The following MALRD1 variants were observed in gnomAD, a reference collection of about 807,000 sequenced individuals.
The protein encoded by MALRD1 is MAM and LDL-receptor class A domain-containing protein 1.
A neutral mutation model predicts 242.1 loss-of-function variants in MALRD1; 247 were observed. The ratio of observed to expected loss-of-function variants is 1.02; its 90% CI spans 0.92 to 1.13. The LOEUF is 1.13. Among genes scored for constraint, MALRD1 ranks in the 50% most tolerant of loss-of-function variants. The probability of loss-of-function intolerance (pLI) is 0.00; values close to 1 mark genes in which losing one functional copy is unlikely to be tolerated. For missense variants in MALRD1, 2,989 were observed against 2,533.1 expected, an observed-to-expected ratio of 1.18 and a Z score of -3.86; for synonymous variants, 995 against 866.6, an observed-to-expected ratio of 1.15 and a Z score of -2.60.
At chr10:19,109,499 C>G (rs1836600058) in intron 5 of MALRD1, among the ~76,000 whole-genome samples, 1 of 152,190 alleles carries the variant, frequency 6.6e-6, no homozygotes, top group Non-Finnish European at 1.5e-5. Flanking sequence ...ATAAGCTTGG[C>G]CACCGGGGTT....
intron 14 of MALRD1, among the ~76,000 whole-genome samples, chr10:19,183,115 G>GT (rs71387051): frequency 0.066 from 9,079 of 137,574 alleles, 372 homozygotes; most frequent in East Asian, 0.2. Flanking sequence ...TATTTTGAGG[G>GT]TTTTTTTTTT....
chr10:19,428,256 G>T (rs1035535181), intron 28 of MALRD1, among the ~76,000 whole-genome samples: 1 of 151,478 alleles, frequency 6.6e-6, no homozygotes, highest in Non-Finnish European at 1.5e-5. Flanking sequence ...TTCATCAAAG[G>T]TTTTCCTTCT....
chr10:19,144,771 GCTTCATGTT>G (rs1458380029), intron 10 of MALRD1, among the ~76,000 whole-genome samples: 1 of 152,154 alleles, frequency 6.6e-6, no homozygotes, highest in Non-Finnish European at 1.5e-5. Flanking sequence ...CAAGCAAGTT[GCTTCATGTT>G]CTGAGTTCCA....
At chr10:19,240,669 C>T (rs575046233) in intron 18 of MALRD1, among the ~76,000 whole-genome samples, 1 of 152,034 alleles carries the variant, frequency 6.6e-6, no homozygotes, top group Admixed American at 6.6e-5. Context: ...AAGCATTTAA[C>T]TATTCACCAT....
At chr10:19,491,683 C>T (rs984217380) in intron 30 of MALRD1, 38 bp downstream of exon 30, 2 of 1,534,746 alleles carry the variant, frequency 1.3e-6, no homozygotes, top group East Asian at 4.9e-5. Flanking sequence ...GCCAGTTCAG[C>T]AGATATTTTC....
intron 2 of MALRD1, among the ~76,000 whole-genome samples, chr10:19,082,496 T>C (rs1050574227): frequency 6.6e-6 from 1 of 151,972 alleles, no homozygotes; most frequent in African/African-American, 2.4e-5. Context: ...TGTAGTTCTT[T>C]ATATATGGTT....
chr10:19,719,983 A>T (rs1344094848), intron 38 of MALRD1, among the ~76,000 whole-genome samples: 1 of 152,140 alleles, frequency 6.6e-6, no homozygotes, highest in Admixed American at 6.6e-5. Context: ...ACACTCAATG[A>T]GAATAGGTTG....
intron 18 of MALRD1, among the ~76,000 whole-genome samples, chr10:19,241,146 C>G (rs1469736070): frequency 6.6e-6 from 1 of 151,984 alleles, no homozygotes; most frequent in Non-Finnish European, 1.5e-5. Context: ...GGTAGTTATT[C>G]TTTAACTGTT....
At chr10:19,235,584 G>GCCC (rs1838280417) in intron 18 of MALRD1, among the ~76,000 whole-genome samples, 3 of 73,686 alleles carry the variant, frequency 4.1e-5, no homozygotes, top group Admixed American at 3.9e-4. Context: ...CCCACAGAGA[G>GCCC]AGAGAGAGAG....
Position 19,571,597 on chromosome 10 carries a change from A to T in MALRD1, c.5680+3894A>T, listed in dbSNP as rs188733435. On this transcript the variant is annotated intron_variant, in intron 33 of 39. Transcript: ENST00000454679. ...TCTACAGAATATGTTGCAGTTTTCC[A>T]ATGAAATATAGTTGTTAAAAAATGC... 9.8e-5 allele frequency among the ~76,000 whole-genome samples: 15 copies of T among 152,294 alleles called. No individual in the cohort carries two copies. In the East Asian group the frequency reaches 2.9e-3, roughly 29 times the overall value.
chr10:19,309,411 T>C (rs1349436631), intron 21 of MALRD1, among the ~76,000 whole-genome samples: 1 of 151,586 alleles, frequency 6.6e-6, no homozygotes, highest in Non-Finnish European at 1.5e-5. Context: ...ACCATATTTA[T>C]ACCTCTGTAA....
rs568829670 is a variant in MALRD1, at chr10:19,683,251, G to A, written c.6138-9031G>A. On this transcript the variant is annotated intron_variant, in intron 36 of 39. Transcript: ENST00000454679. Reference sequence around the variant, plus strand: ...TTAACCAAATGCTCACAATGGGATCGGAGCCTGCCTTTGTTAGATCCAGCT... The same window carrying A: ...TTAACCAAATGCTCACAATGGGATCAGAGCCTGCCTTTGTTAGATCCAGCT... Among the ~76,000 whole-genome samples, 203 of 152,230 alleles carry A rather than the reference G, an allele frequency of 1.3e-3. 1 individual carries two copies. Among genetic ancestry groups the A allele is most frequent in the Non-Finnish European group, 2.4e-3 (161 of 68,020 alleles).
In MALRD1 at chr10:19,184,650, G is replaced by C. The variant is rs897291949; in HGVS notation, c.1951+9322G>C. 3.9e-5 allele frequency among the ~76,000 whole-genome samples: 6 copies of C among 152,266 alleles called. No individual in the cohort carries two copies. The East Asian group carries it at 1.2e-3, about 29-fold the overall frequency. On this transcript the variant is annotated intron_variant, in intron 14 of 39. Transcript: ENST00000454679. The stretch of plus-strand genomic sequence containing the variant: ...TGCAACCTCTGCTTCCCGGATTCAA[G>C]TGATTCTCCTGCCTCAGCCTCCCTA...
chr10:19,486,016 A>G (rs536446214), intron 29 of MALRD1, among the ~76,000 whole-genome samples: 331 of 152,286 alleles, frequency 2.2e-3, no homozygotes, highest in Non-Finnish European at 3.7e-3. Context: ...TGTATATGTT[A>G]TGATTACAAG....
At chr10:19,349,444 G>A (rs1490596500) in intron 25 of MALRD1, among the ~76,000 whole-genome samples, 1 of 152,174 alleles carries the variant, frequency 6.6e-6, no homozygotes. Flanking sequence ...CTCTCATAGA[G>A]CAATTTCATC....
rs1337647475 is a variant in MALRD1 at position 19,503,439 on chromosome 10, C to T, written c.5320+4793C>T. On this transcript the variant is annotated intron_variant, in intron 31 of 39. Coordinates refer to ENST00000454679, the MANE Select transcript of MALRD1 (RefSeq NM_001142308.3). ...GCCATTTTCACTGCCCATCACAGGGCTATTTATGAGCCTTTTTGGAGACAT... is the reference window on the plus strand; with the variant it reads ...GCCATTTTCACTGCCCATCACAGGGTTATTTATGAGCCTTTTTGGAGACAT... Among the ~76,000 whole-genome samples, 3 of 152,168 alleles carry T rather than the reference C, an allele frequency of 2.0e-5. No homozygotes were observed. The East Asian group carries it at 5.8e-4, about 29-fold the overall frequency.
chr10:19,305,682 T>G (rs191107851), intron 21 of MALRD1, among the ~76,000 whole-genome samples: 1 of 149,880 alleles, frequency 6.7e-6, no homozygotes, highest in Admixed American at 6.8e-5. Context: ...TTAAAGTAAC[T>G]TAATCCTGAT....
chr10:19,344,496 A>G (rs1215258108), intron 24 of MALRD1, among the ~76,000 whole-genome samples: 7 of 151,944 alleles, frequency 4.6e-5, no homozygotes, highest in South Asian at 4.1e-4. Context: ...TTTCTGTTCT[A>G]TTGATCTAGG....
chr10:19,347,656 T>C, intron 24 of MALRD1, 115 bp from the exon 25 acceptor site: 2 of 1,217,120 alleles, frequency 1.6e-6, no homozygotes. Context: ...CAGGATAGCA[T>C]TATGAAGGTT....
Sources: allele counts gnomAD v4.1 joint callset (sites outside exome capture counted in the v4.1 genomes callset), GRCh38; gene constraint gnomAD v4.1.1; transcripts MANE v1.5; gene names NCBI Gene and HGNC (gene_info 2026-07-23, HGNC 2026-07-21).